The following TNS1 variants were observed in gnomAD, a reference collection of about 807,000 sequenced individuals.
The protein encoded by TNS1 is tensin 1.
Under a neutral mutation model 168.6 loss-of-function variants are expected in TNS1, and 62 were observed. The ratio of observed to expected loss-of-function variants is 0.37; its 90% CI spans 0.30 to 0.45. TNS1 has a LOEUF of 0.45. Among genes scored for constraint, TNS1 ranks in the 20% least tolerant of loss-of-function variants. TNS1 has a pLI of 1.00. For missense variants in TNS1, 2,240 were observed against 2,339.4 expected, an observed-to-expected ratio of 0.96 and a Z score of 0.88; for synonymous variants, 934 against 933.2, an observed-to-expected ratio of 1.00 and a Z score of -0.02.
intron 3 of TNS1, among the ~76,000 whole-genome samples, chr2:217,959,018 G>C (rs1458663655): frequency 1.3e-5 from 2 of 152,204 alleles, no homozygotes; most frequent in African/African-American, 4.8e-5. Flanking sequence ...CTCAGGACCA[G>C]GGTCCTGTGT....
Position 217,886,084 on chromosome 2 carries a change from T to G in TNS1, c.1000A>C (p.Ile334Leu). 6.2e-7 allele frequency: 1 copy of G among 1,613,642 alleles called. No homozygotes were observed. The change falls in exon 14 of 33, where the codon ATC becomes CTC. Residue 334 changes from isoleucine (I) to leucine (L), a missense_variant. Ile to Leu is a conservative substitution (Grantham distance 5, BLOSUM62 2). Around this residue, in one of 2 missense-constraint regions of TNS1, gnomAD observed 2,131 missense variants for 2,171.2 expected, o/e 0.98. Transcript: ENST00000682258. ...TACACAGGTTGCATGGCCTGGTAGATGCGGAGAAATGGCCGACATCCTGTA... is the reference window on the plus strand; with the variant it reads ...TACACAGGTTGCATGGCCTGGTAGAGGCGGAGAAATGGCCGACATCCTGTA... ...SKGGCRPFLR[I>L]YQAMQPVYTS...
chr2:217,926,272 T>G (rs1211841351), intron 3 of TNS1, among the ~76,000 whole-genome samples: 1 of 152,206 alleles, frequency 6.6e-6, no homozygotes, highest in African/African-American at 2.4e-5. Flanking sequence ...CGTATGGTAT[T>G]TTGTTATGGC....
In TNS1 at chr2:217,848,478, T is replaced by C. The variant is rs1478976190; in HGVS notation, c.2039A>G (p.Asn680Ser). The C allele has an allele frequency of 3.1e-6, 5 of 1,613,200 alleles. No homozygotes were observed. The highest frequency in any genetic ancestry group is 3.4e-6 in the Non-Finnish European group (4 of 1,179,492). ...AGACTCGTAGGGGTAGCCTCCTCCATTGACCATAGGCTCCATGGGGTAGGA... is the reference window on the plus strand; with the variant it reads ...AGACTCGTAGGGGTAGCCTCCTCCACTGACCATAGGCTCCATGGGGTAGGA... ...DKSYPMEPMV[N>S]GGGYPYESAS... The change falls in exon 19 of 33, where the codon AAT becomes AGT. Residue 680 changes from asparagine (N) to serine (S), a missense_variant. Physicochemically the swap from Asn to Ser is conservative, Grantham distance 46 (BLOSUM62 1). Coordinates refer to ENST00000682258, the MANE Select transcript of TNS1 (RefSeq NM_001387777.1).
At position 217,954,977 on chromosome 2, in the gene TNS1, T is replaced by TAC. The variant is rs369665264; in HGVS notation, c.186+23786_186+23787dup. On this transcript the variant is annotated intron_variant, in intron 3 of 32. Coordinates refer to ENST00000682258, the MANE Select transcript of TNS1 (RefSeq NM_001387777.1). ...ATCCATGCACACACTTCCGTGAATG[T>TAC]ACACACACACACACACAGGCACACT... Among the ~76,000 whole-genome samples, 1,501 of 150,450 alleles carry TAC rather than the reference T, an allele frequency of 1.0e-2. 24 individuals carry two copies. Among genetic ancestry groups the TAC allele is most frequent in the African/African-American group, 0.032 (1,302 of 41,180 alleles).
intron 18 of TNS1, among the ~76,000 whole-genome samples, chr2:217,858,956 C>G (rs932362168): frequency 7.2e-6 from 1 of 138,966 alleles, no homozygotes; most frequent in African/African-American, 2.9e-5. Flanking sequence ...GCCCCAACCC[C>G]AGCCCAGCCC....
chr2:217,918,851 C>T (rs531610487), intron 4 of TNS1, among the ~76,000 whole-genome samples: 2 of 152,276 alleles, frequency 1.3e-5, no homozygotes, highest in African/African-American at 4.8e-5. Flanking sequence ...CCCCAGCCCC[C>T]GCTGTTGCCA....
At chr2:217,805,445 TACACACCATCAC>T (rs1938355401) in intron 32 of TNS1, among the ~76,000 whole-genome samples, 1 of 7,238 alleles carries the variant, frequency 1.4e-4, no homozygotes. Flanking sequence ...ACCACACACA[TACACACCATCAC>T]ACACACCACC....
At chr2:217,979,080 A>G (rs1015170243) in intron 2 of TNS1, 3 of 372,368 alleles carry the variant, frequency 8.1e-6, no homozygotes, top group South Asian at 3.3e-5. Context: ...GGGGGAGCAA[A>G]GGGGGGGGTC....
intron 1 of TNS1, among the ~76,000 whole-genome samples, chr2:218,017,964 A>G (rs2106006701): frequency 6.6e-6 from 1 of 152,350 alleles, no homozygotes; most frequent in Admixed American, 6.5e-5. Context: ...CCTGAGGGAG[A>G]GGAGCCAGGA....
chr2:217,890,899 C>G, intron 12 of TNS1, 63 bp downstream of exon 12: 2 of 1,547,830 alleles, frequency 1.3e-6, no homozygotes, highest in Admixed American at 1.7e-5. Flanking sequence ...GTACACAAGT[C>G]TAGTCCCCAC....
intron 23 of TNS1, among the ~76,000 whole-genome samples, chr2:217,821,405 C>T (rs1006151871): frequency 2.6e-5 from 4 of 152,176 alleles, no homozygotes; most frequent in African/African-American, 4.8e-5. Flanking sequence ...CTAGGATGAG[C>T]CCACTACATA....
chr2:218,000,787 C>A (rs187458348), intron 1 of TNS1, among the ~76,000 whole-genome samples: 114 of 152,240 alleles, frequency 7.5e-4, no homozygotes, highest in Non-Finnish European at 4.3e-4. Flanking sequence ...TCACAGCCAG[C>A]CTAGAAAGGA....
At chr2:217,919,036 T>G (rs1955437557) in intron 4 of TNS1, among the ~76,000 whole-genome samples, 1 of 152,100 alleles carries the variant, frequency 6.6e-6, no homozygotes, top group Non-Finnish European at 1.5e-5. Flanking sequence ...GCAGTGACAC[T>G]TAGAGTCCCA....
intron 1 of TNS1, among the ~76,000 whole-genome samples, chr2:218,016,363 G>A (rs1338652711): frequency 3.9e-5 from 6 of 152,168 alleles, no homozygotes; most frequent in Non-Finnish European, 2.9e-5. Flanking sequence ...ACACAGGGGA[G>A]ATACAGATGG....
intron 5 of TNS1, among the ~76,000 whole-genome samples, chr2:217,906,896 TTGCATTCTGCATATTTCATA>T (rs1953771215): frequency 6.6e-6 from 1 of 152,230 alleles, no homozygotes; most frequent in Non-Finnish European, 1.5e-5. Flanking sequence ...CCTGATTTTC[TTGCATTCTGCATATTTCATA>T]AGGAAGCCCA....
chr2:217,844,540 T>C (rs1946391166), intron 19 of TNS1, among the ~76,000 whole-genome samples: 1 of 152,200 alleles, frequency 6.6e-6, no homozygotes, highest in African/African-American at 2.4e-5. Context: ...CTCTCCTGTC[T>C]TCACTGTGAA....
upstream of TNS1, among the ~76,000 whole-genome samples, chr2:218,013,595 T>C (rs10932738): frequency 0.73 from 110,188 of 151,684 alleles, 40,583 homozygotes; most frequent in East Asian, 0.94. Flanking sequence ...CAGGTTAACC[T>C]ATCCTCTGGG....
intron 1 of TNS1, among the ~76,000 whole-genome samples, chr2:218,001,824 G>C (rs951405992): frequency 2.0e-5 from 3 of 151,514 alleles, no homozygotes; most frequent in African/African-American, 7.3e-5. Flanking sequence ...CCTGGGCCAA[G>C]AGGGCCCTCC....
chr2:217,942,112 C>A (rs543252440), intron 3 of TNS1, among the ~76,000 whole-genome samples: 1 of 152,204 alleles, frequency 6.6e-6, no homozygotes, highest in Non-Finnish European at 1.5e-5. Flanking sequence ...TTCACTGGGG[C>A]CTTGCGGGAA....
Sources: allele counts gnomAD v4.1 joint callset (sites outside exome capture counted in the v4.1 genomes callset), GRCh38; gene constraint gnomAD v4.1.1; regional missense constraint gnomAD v4.1.1; transcripts MANE v1.5; gene names NCBI Gene and HGNC (gene_info 2026-07-23, HGNC 2026-07-21).